Variants in GPT observed in about 807,000 individuals in gnomAD.
The protein encoded by GPT is glutamic--pyruvic transaminase, also known as alanine aminotransferase 1.
In GPT, 60 loss-of-function variants were observed where a neutral mutation model predicts 51.4. The ratio of observed to expected loss-of-function variants is 1.17; its 90% confidence interval spans 0.95 to 1.45. The LOEUF (loss-of-function observed/expected upper bound fraction) is 1.45, where lower values mean the gene tolerates loss of function less well. GPT is among the 40% of genes most tolerant of loss of function. The pLI is 0.00. For missense variants in GPT, 853 were observed against 704.0 expected (o/e 1.21, Z -2.40); for synonymous variants, 397 against 303.1 (o/e 1.31, Z -3.22).
At chr8:144,505,769 C>A in intron 5 of GPT, 79 bp from the exon 6 acceptor site, 1 of 1,281,266 alleles carries the variant, frequency 7.8e-7, no homozygotes, top group Non-Finnish European at 1.0e-6. Context: ...AGTGCCGGGT[C>A]CGCTGGACCC....
rs756909307 is a variant in GPT at position 144,504,860 on chromosome 8, G to A, written c.342G>A (p.Ala114=). 79 of 1,613,208 alleles carry A rather than the reference G, an allele frequency of 4.9e-5. No homozygotes were observed. The highest frequency in any genetic ancestry group is 6.3e-5 in the Non-Finnish European group (74 of 1,180,018). ...AKKRAERILQ[A]CGGHSLGAYS... ...AAAGGGCGGAGCGCATCTTGCAGGC[G>A]TGTGGGGGCCACAGTCTGGGTGAGA... The change falls in exon 3 of 11, where the codon GCG becomes GCA. Residue 114 remains alanine, a synonymous_variant. Transcript: ENST00000394955.
chr8:144,506,578 C>T lies in GPT; in HGVS notation c.1209C>T (p.Ile403=). 3.2e-6 allele frequency: 5 copies of T among 1,577,890 alleles called. No individual in the cohort carries two copies. Among genetic ancestry groups the T allele is most frequent in the Non-Finnish European group, 4.3e-6 (5 of 1,162,610 alleles). ...TEQVFNEAPG[I]SCNPVQGAMY... ...AGGTCTTCAATGAGGCTCCTGGCATCAGCTGCAACCCAGTGCAGGGCGCCA... is the reference window on the plus strand; with the variant it reads ...AGGTCTTCAATGAGGCTCCTGGCATTAGCTGCAACCCAGTGCAGGGCGCCA... The change falls in exon 9 of 11, where the codon ATC becomes ATT. Residue 403 remains isoleucine (I), a synonymous_variant. Transcript: ENST00000394955. The surrounding 1 kb of genome is among the most constrained non-coding windows in gnomAD (Gnocchi z 7.0).
chr8:144,506,434 G>T lies in GPT; in HGVS notation c.1131+28G>T. The T allele has an allele frequency of 1.9e-6, 3 of 1,564,824 alleles. No individual in the cohort carries two copies. The highest frequency in any genetic ancestry group is 2.6e-6 in the Non-Finnish European group (3 of 1,156,428). The stretch of plus-strand genomic sequence containing the variant: ...GAGTTGGGGGCAGGAGGGGGTCCAG[G>T]TGACCTAATCAGGGGTGGGGGATGC... On this transcript the variant is annotated intron_variant, in intron 8 of 10. Coordinates refer to ENST00000394955, the MANE Select transcript of GPT (RefSeq NM_005309.3). The surrounding 1 kb of genome is among the most constrained non-coding windows in gnomAD (Gnocchi z 7.0).
rs1470816440 is a variant in GPT, at chr8:144,504,195, C to T, written c.-110C>T. On this transcript the variant is annotated 5_prime_UTR_variant, in exon 1 of 11. In the 5' UTR this introduces an upstream ATG that the reference lacks. Coordinates refer to ENST00000394955, the MANE Select transcript of GPT (RefSeq NM_005309.3). Reference sequence around the variant, plus strand: ...CTCTTGCCTGGAGTTCCCTCTGCTACGGCTGCCCCCTCCCAGCCCTGGCCC... The same window carrying T: ...CTCTTGCCTGGAGTTCCCTCTGCTATGGCTGCCCCCTCCCAGCCCTGGCCC... The T allele has an allele frequency of 3.4e-5, 40 of 1,183,014 alleles. 1 individual carries two copies. The highest frequency in any genetic ancestry group is 3.0e-4 in the South Asian group (23 of 76,460). 73.3% of individuals were successfully genotyped at this position (1,183,014 alleles called of 1,614,324 possible). A position where few individuals can be genotyped will look rare whatever the true frequency, so the allele number is the denominator to read the frequency against.
rs1418881972 is a variant in GPT at position 144,506,600 on chromosome 8, G to A, written c.1231G>A (p.Ala411Thr). The change falls in exon 9 of 11, where the codon GCC becomes ACC. Residue 411 changes from alanine to threonine, a missense_variant. Transcript: ENST00000394955. This position sits in a 1 kb window ranked among gnomAD's most constrained non-coding sequence, Gnocchi z 7.0. ...PGISCNPVQGAMYSFPRVQLP... is the reference protein window; with the variant it reads ...PGISCNPVQGTMYSFPRVQLP... ...CATCAGCTGCAACCCAGTGCAGGGC[G>A]CCATGTACTCCTTCCCGCGCGTGCA... The A allele has an allele frequency of 9.6e-6, 15 of 1,566,688 alleles. No homozygotes were observed. Among genetic ancestry groups the A allele is most frequent in the African/African-American group, 2.7e-5 (2 of 74,094 alleles).
Position 144,504,890 on chromosome 8 carries a change from G to A in GPT, c.361+11G>A. The A allele has an allele frequency of 6.2e-7, 1 of 1,613,066 alleles. No homozygotes were observed. The highest frequency in any genetic ancestry group is 8.5e-7 in the Non-Finnish European group (1 of 1,179,962). ...GGGGCCACAGTCTGGGTGAGAGCCA[G>A]GGCCAGGAGGAAGCAGAGGGCCGCC... On this transcript the variant is annotated intron_variant, in intron 3 of 10. Coordinates refer to ENST00000394955, the MANE Select transcript of GPT (RefSeq NM_005309.3).
In GPT at chr8:144,504,315, G is replaced by A. The variant is rs1261536255; in HGVS notation, c.11G>A (p.Ser4Asn). 1.9e-6 allele frequency: 3 copies of A among 1,609,244 alleles called. No individual in the cohort carries two copies. Among genetic ancestry groups the A allele is most frequent in the Non-Finnish European group, 2.5e-6 (3 of 1,179,856 alleles). MAS[S>N]TGDRSQAVRH... Reference sequence around the variant, plus strand: ...GGTCTGGGTAGAGTCATGGCCTCGAGCACAGGTGACCGGAGCCAGGCGGTG... The same window carrying A: ...GGTCTGGGTAGAGTCATGGCCTCGAACACAGGTGACCGGAGCCAGGCGGTG... Residue 4 changes from serine to asparagine, a missense_variant, in exon 1 of 11, where the codon AGC (serine) becomes AAC (asparagine). Transcript: ENST00000394955.
In GPT at chr8:144,504,667, C is replaced by A; in HGVS notation, c.226C>A (p.Gln76Lys). 2 of 1,613,344 alleles carry A rather than the reference C, an allele frequency of 1.2e-6. No individual in the cohort carries two copies. The change falls in exon 2 of 11, where the codon CAG becomes AAG. Residue 76 changes from glutamine to lysine, a missense_variant. Coordinates refer to ENST00000394955, the MANE Select transcript of GPT (RefSeq NM_005309.3). ...CATCGGGGACGCACAGGCTATGGGG[C>A]AGAGGCCCATCACCTTCCTGCGCCA... ...ANIGDAQAMGQRPITFLRQVL... is the reference protein window; with the variant it reads ...ANIGDAQAMGKRPITFLRQVL...
Position 144,504,302 on chromosome 8 carries a change from G to T in GPT, c.-3G>T. The T allele has an allele frequency of 1.9e-6, 3 of 1,607,896 alleles. No homozygotes were observed. The highest frequency in any genetic ancestry group is 2.7e-5 in the African/African-American group (2 of 75,064). On this transcript the variant is annotated 5_prime_UTR_variant, in exon 1 of 11. Transcript: ENST00000394955. The stretch of plus-strand genomic sequence containing the variant: ...TGCCTTCCCGCCTGGTCTGGGTAGA[G>T]TCATGGCCTCGAGCACAGGTGACCG...
chr8:144,504,044 AC>A (rs887453676), upstream of GPT: 14 of 553,742 alleles, frequency 2.5e-5, no homozygotes, highest in African/African-American at 1.5e-4. Flanking sequence ...CTGCCACCTC[AC>A]CCACTGCCTC....
At position 144,506,219 on chromosome 8, in the gene GPT, T is replaced by G. The variant is rs957663383; in HGVS notation, c.957-13T>G. ...GCCACCCCCTCCTCCGCACCTGACC[T>G]GGCCGTGCGCAGGTGCGGGTTCCGC... On this transcript the variant is annotated splice_polypyrimidine_tract_variant and intron_variant, in intron 7 of 10. Coordinates refer to ENST00000394955, the MANE Select transcript of GPT (RefSeq NM_005309.3). This position sits in a 1 kb window ranked among gnomAD's most constrained non-coding sequence, Gnocchi z 7.0. The G allele has an allele frequency of 6.2e-7, 1 of 1,605,860 alleles. No homozygotes were observed. Among genetic ancestry groups the G allele is most frequent in the East Asian group, 2.2e-5 (1 of 44,704 alleles).
chr8:144,506,324 C>T lies in GPT; in HGVS notation c.1049C>T (p.Pro350Leu), dbSNP rs1211388602. 32 of 1,582,706 alleles carry T rather than the reference C, an allele frequency of 2.0e-5. No individual in the cohort carries two copies. The highest frequency in any genetic ancestry group is 2.7e-5 in the Non-Finnish European group (32 of 1,168,072). The change falls in exon 8 of 11, where the codon CCG becomes CTG. Residue 350 changes from proline to leucine, a missense_variant. Transcript: ENST00000394955. The surrounding 1 kb of genome is among the most constrained non-coding windows in gnomAD (Gnocchi z 7.0). Reference protein sequence around the residue: ...MLKLMSVRLCPPVPGQALLDL... With the variant: ...MLKLMSVRLCLPVPGQALLDL... Reference sequence around the variant, plus strand: ...AAGCTGATGAGTGTGCGGCTGTGCCCGCCGGTGCCAGGACAGGCCCTGCTG... The same window carrying T: ...AAGCTGATGAGTGTGCGGCTGTGCCTGCCGGTGCCAGGACAGGCCCTGCTG...
chr8:144,503,352 C>T (rs13254911), upstream of GPT, among the ~76,000 whole-genome samples: 58,331 of 152,052 alleles, frequency 0.38, 13,221 homozygotes, highest in South Asian at 0.57. Context: ...GGGGCTCTGA[C>T]GGCCTATCCC....
Position 144,504,311 on chromosome 8 carries a change from T to C in GPT, c.7T>C (p.Ser3Pro), listed in dbSNP as rs1271834375. ...GCCTGGTCTGGGTAGAGTCATGGCCTCGAGCACAGGTGACCGGAGCCAGGC... is the reference window on the plus strand; with the variant it reads ...GCCTGGTCTGGGTAGAGTCATGGCCCCGAGCACAGGTGACCGGAGCCAGGC... MA[S>P]STGDRSQAVR... Residue 3 changes from serine (S) to proline (P), a missense_variant, in exon 1 of 11, where the codon TCG (serine) becomes CCG (proline). Physicochemically the swap from Ser to Pro is moderately conservative, Grantham distance 74. Transcript: ENST00000394955. 1 of 1,608,836 alleles carries C rather than the reference T, an allele frequency of 6.2e-7. No homozygotes were observed.
chr8:144,506,866 T>C lies in GPT; in HGVS notation c.1400+23T>C. ...CCGGTGAGGCCTGGCCCTCACTCCC[T>C]GTCCCGCCACCCTGGCCCTTCACTC... On this transcript the variant is annotated intron_variant, in intron 10 of 10. Transcript: ENST00000394955. This position sits in a 1 kb window ranked among gnomAD's most constrained non-coding sequence, Gnocchi z 7.0. 6.2e-7 allele frequency: 1 copy of C among 1,611,904 alleles called. No individual in the cohort carries two copies. The highest frequency in any genetic ancestry group is 8.5e-7 in the Non-Finnish European group (1 of 1,179,022).
Position 144,506,131 on chromosome 8 carries a change from A to AGTGC in GPT, c.956+7_956+10dup, listed in dbSNP as rs1564778382. ...TCCACCTCCAAGGGCTACATGGGCG[A>AGTGC]GTGCGTGCGTACGAGGCGGGTGGGG... On this transcript the variant is annotated frameshift_variant and splice_region_variant. Transcript: ENST00000394955. LOFTEE classifies it high-confidence loss of function. This position sits in a 1 kb window ranked among gnomAD's most constrained non-coding sequence, Gnocchi z 7.0. The AGTGC allele has an allele frequency of 6.2e-7, 1 of 1,611,722 alleles. No individual in the cohort carries two copies. Among genetic ancestry groups the AGTGC allele is most frequent in the Non-Finnish European group, 8.5e-7 (1 of 1,179,276 alleles).
chr8:144,507,110 G>GC lies in GPT; in HGVS notation c.*110_*111insC, dbSNP rs1208633825. ...TTGATGCCTGGCGGGGTGGGGTGGGGGGGGTGCTGGGCCCCTGCCTCTCTG... is the reference window on the plus strand; with the variant it reads ...TTGATGCCTGGCGGGGTGGGGTGGGGCGGGGTGCTGGGCCCCTGCCTCTCTG... On this transcript the variant is annotated 3_prime_UTR_variant, in exon 11 of 11. Coordinates refer to ENST00000394955, the MANE Select transcript of GPT (RefSeq NM_005309.3). The GC allele has an allele frequency of 1.5e-6, 1 of 677,612 alleles. No homozygotes were observed. Among genetic ancestry groups the GC allele is most frequent in the African/African-American group, 1.8e-5 (1 of 54,662 alleles). The allele number at this position is 677,612 out of a possible 1,614,324, so 42.0% of individuals were successfully genotyped here.
At chr8:144,505,760 G>C in intron 5 of GPT, 88 bp from the exon 6 acceptor site, 1 of 1,201,792 alleles carries the variant, frequency 8.3e-7, no homozygotes, top group East Asian at 3.2e-5. Context: ...GGCCCAGGCA[G>C]TGCCGGGTCC....
In GPT at chr8:144,506,492, C is replaced by T. The variant is rs767361154; in HGVS notation, c.1132-9C>T. On this transcript the variant is annotated splice_polypyrimidine_tract_variant and intron_variant, in intron 8 of 10. Coordinates refer to ENST00000394955, the MANE Select transcript of GPT (RefSeq NM_005309.3). This position sits in a 1 kb window ranked among gnomAD's most constrained non-coding sequence, Gnocchi z 7.0. The stretch of plus-strand genomic sequence containing the variant: ...CGTGCCCTGATGGGCCCTCCCTCCG[C>T]GGCCACAGGAGAAGCAGGCAGTGCT... The T allele has an allele frequency of 1.1e-5, 17 of 1,593,860 alleles. No homozygotes were observed. The highest frequency in any genetic ancestry group is 8.8e-5 in the Admixed American group (5 of 56,944).
Sources: gnomAD v4.1 joint callset for allele counts (sites outside exome capture counted in the v4.1 genomes callset) on GRCh38, gnomAD v4.1.1 for gene constraint, Gnocchi (gnomAD v3.1) non-coding constraint, MANE v1.5 for transcripts, NCBI Gene and HGNC (gene_info 2026-07-23, HGNC 2026-07-21) for gene names.